Variants in PCDH15 observed in about 807,000 individuals in gnomAD.
The protein encoded by PCDH15 is protocadherin related 15.
PCDH15 carries 129 observed loss-of-function variants against 178.5 expected under a neutral mutation model. The observed-to-expected ratio is 0.72, with a 90% confidence interval of 0.63 to 0.84. PCDH15 has a LOEUF of 0.84. Among genes scored for constraint, PCDH15 ranks in the 40% least tolerant of loss-of-function variants. The pLI is 0.00. For synonymous variants in PCDH15, 800 were observed against 732.0 expected (o/e 1.09, Z -1.50); for missense variants, 2,230 against 2,099.9 (o/e 1.06, Z -1.21).
At chr10:53,999,272 C>T (rs577490969) in intron 20 of PCDH15, among the ~76,000 whole-genome samples, 17 of 152,176 alleles carry the variant, frequency 1.1e-4, no homozygotes, top group Non-Finnish European at 1.8e-4. Flanking sequence ...CCTACTTTTA[C>T]GTGGGTGTAT....
chr10:54,033,567 A>G (rs1175367834), intron 18 of PCDH15, among the ~76,000 whole-genome samples: 2 of 151,916 alleles, frequency 1.3e-5, no homozygotes, highest in Non-Finnish European at 2.9e-5. Context: ...CCATATTACT[A>G]TATGGGGCAA....
rs577396961 is a variant in PCDH15, at chr10:55,469,860, A to G, written c.-156+157765T>C. On this transcript the variant is annotated intron_variant, in intron 2 of 5. Coordinates refer to the PCDH15 transcript ENST00000613346. ...TTTAGTATTTGTGCCATACTTAGAA[A>G]AGCCAATATATAAAATTAAATATTA... 4.6e-5 allele frequency among the ~76,000 whole-genome samples: 7 copies of G among 152,134 alleles called. No individual in the cohort carries two copies. The South Asian group carries it at 1.0e-3, about 22-fold the overall frequency.
At chr10:55,527,134 G>A (rs1056550271) in intron 2 of PCDH15, among the ~76,000 whole-genome samples, 1 of 151,966 alleles carries the variant, frequency 6.6e-6, no homozygotes, top group East Asian at 1.9e-4. Context: ...AGAAAGAATG[G>A]GTTAATTTTA....
chr10:54,992,419 C>G (rs548695590), intron 2 of PCDH15, among the ~76,000 whole-genome samples: 3 of 152,196 alleles, frequency 2.0e-5, no homozygotes, highest in Admixed American at 2.0e-4. Flanking sequence ...ACCAGACCCG[C>G]CCTCAGCAAC....
intron 2 of PCDH15, among the ~76,000 whole-genome samples, chr10:54,973,778 C>A (rs955938203): frequency 1.3e-5 from 2 of 152,108 alleles, no homozygotes; most frequent in African/African-American, 4.8e-5. Flanking sequence ...GAAACAACCT[C>A]TATCATGGAA....
chr10:54,889,500 G>GATATATATAGATATAT (rs1954422626), intron 3 of PCDH15, among the ~76,000 whole-genome samples: 1 of 142,008 alleles, frequency 7.0e-6, no homozygotes, highest in African/African-American at 2.5e-5. Flanking sequence ...TAATTGTGAA[G>GATATATATAGATATAT]ATATATATAT....
Position 54,882,551 on chromosome 10 carries a change from C to A in PCDH15, c.-29+14899G>T, listed in dbSNP as rs532325706. ...CTCCTGGCCCCCACAAATCACTAGA[C>A]ATCCACATAAACATCTATTAAATGA... On this transcript the variant is annotated intron_variant, in intron 3 of 5. Transcript: ENST00000458638. Among the ~76,000 whole-genome samples, 3 of 152,202 alleles carry A rather than the reference C, an allele frequency of 2.0e-5. No individual in the cohort carries two copies. The South Asian group carries it at 6.2e-4, about 31-fold the overall frequency.
chr10:54,747,891 C>T (rs973542365), intron 1 of PCDH15, among the ~76,000 whole-genome samples: 5 of 150,278 alleles, frequency 3.3e-5, no homozygotes, highest in Admixed American at 6.6e-5. Context: ...CTGCAAGCTC[C>T]GCCTCCAGGG....
intron 1 of PCDH15, among the ~76,000 whole-genome samples, chr10:54,787,453 C>A (rs571579941): frequency 1.6e-4 from 25 of 152,002 alleles, no homozygotes; most frequent in African/African-American, 6.0e-4. Flanking sequence ...ACAATAGTGT[C>A]AAAATTCTAA....
chr10:54,700,798 A>G (rs1422980311), intron 1 of PCDH15, among the ~76,000 whole-genome samples: 2 of 152,086 alleles, frequency 1.3e-5, no homozygotes, highest in Non-Finnish European at 2.9e-5. Context: ...ATTTTGGGAT[A>G]TAGGCCATGA....
At chr10:54,804,693 T>G (rs1382369755), upstream of PCDH15, among the ~76,000 whole-genome samples, 2 of 151,684 alleles carry the variant, frequency 1.3e-5, no homozygotes, top group Non-Finnish European at 2.9e-5. Flanking sequence ...TAAAAAAGTA[T>G]TTTTTACATT....
In PCDH15 at chr10:54,733,731, T is replaced by C. The variant is rs1386021232; in HGVS notation, c.-29+67194A>G. Among the ~76,000 whole-genome samples the C allele has an allele frequency of 2.0e-5, 3 of 151,690 alleles. No individual in the cohort carries two copies. In the East Asian group the frequency reaches 5.8e-4, roughly 29 times the overall value. On this transcript the variant is annotated intron_variant, in intron 1 of 37. Coordinates refer to ENST00000644397, the MANE Select transcript of PCDH15 (RefSeq NM_001384140.1). ...AGTTATAGTAATCAGGACAGTATTT[T>C]ATTGGCAAATGGGTAGATACACATA...
intron 2 of PCDH15, among the ~76,000 whole-genome samples, chr10:55,120,929 C>T (rs997818119): frequency 3.3e-5 from 5 of 152,176 alleles, no homozygotes; most frequent in African/African-American, 1.2e-4. Context: ...CATGGAGCCT[C>T]AAGTGTGAGG....
chr10:54,940,156 T>A (rs1838023849), intron 2 of PCDH15, among the ~76,000 whole-genome samples: 1 of 152,132 alleles, frequency 6.6e-6, no homozygotes, highest in African/African-American at 2.4e-5. Context: ...TATTATTTTT[T>A]AAAATATATA....
chr10:54,104,908 C>T (rs2094883836), intron 15 of PCDH15, among the ~76,000 whole-genome samples: 1 of 149,486 alleles, frequency 6.7e-6, no homozygotes, highest in African/African-American at 2.5e-5. Flanking sequence ...TCACTTTGTC[C>T]AGTAAACTTA....
At chr10:54,863,882 T>A (rs1488156054) in intron 3 of PCDH15, among the ~76,000 whole-genome samples, 3 of 152,194 alleles carry the variant, frequency 2.0e-5, no homozygotes, top group Non-Finnish European at 4.4e-5. Flanking sequence ...TCCTTAGCTA[T>A]AGTAAGTTTA....
chr10:55,215,117 G>A (rs1840670785), intron 1 of PCDH15, among the ~76,000 whole-genome samples: 2 of 151,910 alleles, frequency 1.3e-5, no homozygotes. Flanking sequence ...GCCCCCAAAG[G>A]GCTCAAATCC....
At chr10:54,386,665 A>C (rs902085470) in intron 3 of PCDH15, among the ~76,000 whole-genome samples, 2 of 152,204 alleles carry the variant, frequency 1.3e-5, no homozygotes, top group African/African-American at 4.8e-5. Flanking sequence ...TTGAATCAAT[A>C]GTTTTTCAAA....
chr10:53,856,256 A>T (rs1415927219), intron 28 of PCDH15, among the ~76,000 whole-genome samples: 4 of 151,880 alleles, frequency 2.6e-5, no homozygotes, highest in Admixed American at 1.3e-4. Context: ...AAAAAAATTT[A>T]AAATAATGGC....
Sources: gnomAD v4.1 joint callset for allele counts (sites outside exome capture counted in the v4.1 genomes callset) on GRCh38, gnomAD v4.1.1 for gene constraint, MANE v1.5 for transcripts, NCBI Gene and HGNC (gene_info 2026-07-23, HGNC 2026-07-21) for gene names.